The following HIVEP3 variants were observed in gnomAD, a reference collection of about 807,000 sequenced individuals.
HIVEP3 encodes transcription factor HIVEP3.
Under a neutral mutation model 152.8 loss-of-function variants are expected in HIVEP3, and 49 were observed. The observed-to-expected ratio is 0.32, with a 90% confidence interval of 0.26 to 0.41. The LOEUF (loss-of-function observed/expected upper bound fraction) is 0.41, where lower values mean the gene tolerates loss of function less well. Among genes scored for constraint, HIVEP3 ranks in the 10% least tolerant of loss-of-function variants. HIVEP3 has a pLI of 1.00. For synonymous variants in HIVEP3, 1,269 were observed against 1,289.0 expected, an observed-to-expected ratio of 0.98 and a Z score of 0.33; for missense variants, 2,790 against 3,103.3, an observed-to-expected ratio of 0.90 and a Z score of 2.40.
intron 1 of HIVEP3, among the ~76,000 whole-genome samples, chr1:41,748,929 C>T (rs957628205): frequency 1.3e-5 from 2 of 152,204 alleles, no homozygotes; most frequent in African/African-American, 4.8e-5. Flanking sequence ...AGGAGGACCA[C>T]CACTCAGCTG....
intron 1 of HIVEP3, among the ~76,000 whole-genome samples, chr1:41,936,995 C>A (rs2124483135): frequency 6.6e-6 from 1 of 152,192 alleles, no homozygotes; most frequent in Admixed American, 6.5e-5. Context: ...TCATTAAAAT[C>A]ATAAATAAAA....
chr1:41,912,563 T>A (rs548826402), intron 1 of HIVEP3, among the ~76,000 whole-genome samples: 1 of 152,316 alleles, frequency 6.6e-6, no homozygotes, highest in East Asian at 1.9e-4. Context: ...TCCAGTGAGG[T>A]ACAGCAAGGC....
At chr1:41,774,043 G>T (rs1401010298) in intron 1 of HIVEP3, among the ~76,000 whole-genome samples, 5 of 152,216 alleles carry the variant, frequency 3.3e-5, no homozygotes, top group Non-Finnish European at 7.3e-5. Flanking sequence ...AGATGCTTCT[G>T]GCTTTGGACT....
At chr1:41,735,348 T>C (rs908492842) in intron 1 of HIVEP3, among the ~76,000 whole-genome samples, 5 of 152,232 alleles carry the variant, frequency 3.3e-5, no homozygotes, top group African/African-American at 1.2e-4. Flanking sequence ...AAGAAGATGA[T>C]GACGATGAAG....
chr1:41,710,229 A>G (rs1471414754), intron 1 of HIVEP3, among the ~76,000 whole-genome samples: 1 of 151,994 alleles, frequency 6.6e-6, no homozygotes, highest in East Asian at 1.9e-4. Context: ...CCTAGCATGG[A>G]GCAAAACCCC....
rs118104223 is a variant in HIVEP3 at position 41,789,799 on chromosome 1, G to A, written c.-800-88804C>T. On this transcript the variant is annotated intron_variant, in intron 1 of 8. Transcript: ENST00000372583. ...GACCTTGGTCAACAATGTAGTCACCGGCTGGGTTGGGACCAGACAGTTGCC... is the reference window on the plus strand; with the variant it reads ...GACCTTGGTCAACAATGTAGTCACCAGCTGGGTTGGGACCAGACAGTTGCC... Among the ~76,000 whole-genome samples, 126 of 152,286 alleles carry A rather than the reference G, an allele frequency of 8.3e-4. 2 individuals carry two copies. The East Asian group carries it at 0.021, about 26-fold the overall frequency.
At chr1:41,920,587 T>G (rs576849919), upstream of HIVEP3, among the ~76,000 whole-genome samples, 1,354 of 72,618 alleles carry the variant, frequency 0.019, 23 homozygotes, top group African/African-American at 0.041. Flanking sequence ...GTTTTTTTTT[T>G]TTTGTTTTGT....
intron 1 of HIVEP3, among the ~76,000 whole-genome samples, chr1:41,751,307 G>A (rs144582316): frequency 2.5e-3 from 357 of 142,466 alleles, no homozygotes; most frequent in African/African-American, 8.9e-3. Flanking sequence ...AATTCATCCC[G>A]AGGGAAACTG....
Position 42,006,987 on chromosome 1 carries a change from C to A in HIVEP3, n.119+28820G>T, listed in dbSNP as rs895511209. Reference sequence around the variant, plus strand: ...GGGAGTGGGAAGGAAGGCAGCATAACTTAGGCTAACTTCTGATGAGTACTC... The same window carrying A: ...GGGAGTGGGAAGGAAGGCAGCATAAATTAGGCTAACTTCTGATGAGTACTC... On this transcript the variant is annotated intron_variant and non_coding_transcript_variant, in intron 1 of 3. Coordinates refer to the HIVEP3 transcript ENST00000489103. Among the ~76,000 whole-genome samples the A allele has an allele frequency of 1.3e-5, 2 of 152,336 alleles. 1 individual carries two copies. Among genetic ancestry groups the A allele is most frequent in the South Asian group, 4.1e-4 (2 of 4,828 alleles).
chr1:41,533,292 G>C lies in HIVEP3; in HGVS notation c.5208-8382C>G, dbSNP rs541975153. Reference sequence around the variant, plus strand: ...GGGCTCTGGGTCCAGCTCCTCCTGCGGTGCCAGAGCCCACCCCACCCACTG... The same window carrying C: ...GGGCTCTGGGTCCAGCTCCTCCTGCCGTGCCAGAGCCCACCCCACCCACTG... On this transcript the variant is annotated intron_variant, in intron 5 of 8. Coordinates refer to ENST00000372583, the MANE Select transcript of HIVEP3 (RefSeq NM_024503.5). The surrounding 1 kb of genome is among the most constrained non-coding windows in gnomAD (Gnocchi z 4.3). Among the ~76,000 whole-genome samples, 1 of 151,984 alleles carries C rather than the reference G, an allele frequency of 6.6e-6. No homozygotes were observed. The highest frequency in any genetic ancestry group is 2.4e-5 in the African/African-American group (1 of 41,368).
At position 41,583,073 on chromosome 1, in the gene HIVEP3, G is replaced by A; in HGVS notation, c.1725C>T (p.His575=). The change falls in exon 4 of 9, where the codon CAC becomes CAT. Residue 575 remains histidine (H), a synonymous_variant. Coordinates refer to ENST00000372583, the MANE Select transcript of HIVEP3 (RefSeq NM_024503.5). This position sits in a 1 kb window ranked among gnomAD's most constrained non-coding sequence, Gnocchi z 6.9. ...GGTGGGAGGTAAACACGTGACTGCT[G>A]TGGCTCAGGGCTTCGGAGTCGGTGA... ...DHITDSEALS[H]SSHVFTSHPR... is the part of the protein sequence containing the mutation. 6.2e-7 allele frequency: 1 copy of A among 1,613,874 alleles called. No homozygotes were observed. Among genetic ancestry groups the A allele is most frequent in the Non-Finnish European group, 8.5e-7 (1 of 1,179,880 alleles).
intron 1 of HIVEP3, among the ~76,000 whole-genome samples, chr1:41,897,305 C>T (rs934194857): frequency 1.3e-5 from 2 of 152,138 alleles, no homozygotes; most frequent in African/African-American, 2.4e-5. Context: ...GAGGATGATG[C>T]TATGGTCTGA....
intron 1 of HIVEP3, among the ~76,000 whole-genome samples, chr1:41,983,013 C>A (rs1027360584): frequency 6.6e-6 from 1 of 152,204 alleles, no homozygotes; most frequent in African/African-American, 2.4e-5. Flanking sequence ...GATGATCAGG[C>A]TTTAGTTTGA....
intron 1 of HIVEP3, among the ~76,000 whole-genome samples, chr1:41,804,976 G>A (rs372653826): frequency 3.0e-4 from 46 of 152,296 alleles, no homozygotes; most frequent in Admixed American, 3.3e-4. Flanking sequence ...CTACTTTCCC[G>A]GTAGGCAAGT....
intron 1 of HIVEP3, among the ~76,000 whole-genome samples, chr1:42,033,215 G>A (rs1326537685): frequency 6.6e-6 from 1 of 152,180 alleles, no homozygotes; most frequent in African/African-American, 2.4e-5. Flanking sequence ...TCTGACCCCT[G>A]AAAAGTGATG....
rs1031561892 is a variant in HIVEP3, at chr1:41,715,864, C to A, written c.-800-14869G>T. On this transcript the variant is annotated intron_variant, in intron 1 of 8. Transcript: ENST00000372583. ...AGGAGAAACCTTCACCTTAGCATTT[C>A]TCTATGTCAGGCCCAAACCGAAAGC... is the stretch of plus-strand genomic sequence containing the variant. 4.6e-5 allele frequency among the ~76,000 whole-genome samples: 7 copies of A among 152,226 alleles called. No homozygotes were observed. The East Asian group carries it at 1.3e-3, about 29-fold the overall frequency.
Position 41,513,481 on chromosome 1 carries a change from G to T in HIVEP3, c.5740C>A (p.Arg1914=). ...TCAGCTTCCGAGACCGAGCTGCCTC[G>T]TGTAGCCTCCGTGCCAGAGGCGGGG... ...DAPASGTEAT[R]GSSVSEAERL... Residue 1914 remains arginine, a synonymous_variant, in exon 8 of 9, where the codon CGA becomes AGA. Coordinates refer to ENST00000372583, the MANE Select transcript of HIVEP3 (RefSeq NM_024503.5). 6.2e-7 allele frequency: 1 copy of T among 1,610,698 alleles called. No homozygotes were observed. Among genetic ancestry groups the T allele is most frequent in the Non-Finnish European group, 8.5e-7 (1 of 1,179,148 alleles).
intron 1 of HIVEP3, among the ~76,000 whole-genome samples, chr1:41,977,844 G>A (rs923449598): frequency 1.3e-5 from 2 of 152,154 alleles, no homozygotes; most frequent in African/African-American, 2.4e-5. Flanking sequence ...CCCTGCTCAT[G>A]GTAATACACC....
At chr1:41,669,090 C>G (rs1428612846) in intron 2 of HIVEP3, among the ~76,000 whole-genome samples, 1 of 152,164 alleles carries the variant, frequency 6.6e-6, no homozygotes, top group African/African-American at 2.4e-5. Context: ...CCTCTGAGAG[C>G]TGTCTTCCCC....
Sources: allele counts gnomAD v4.1 joint callset (sites outside exome capture counted in the v4.1 genomes callset), GRCh38; gene constraint gnomAD v4.1.1; non-coding constraint Gnocchi (gnomAD v3.1); transcripts MANE v1.5; gene names NCBI Gene and HGNC (gene_info 2026-07-23, HGNC 2026-07-21).